ERBB4: variants seen among roughly 807,000 people sequenced by gnomAD.
ERBB4 encodes erb-b2 receptor tyrosine kinase 4.
ERBB4 carries 42 observed loss-of-function variants against 158.0 expected under a neutral mutation model. That is an observed-to-expected ratio of 0.27 (90% CI 0.21 to 0.34). The LOEUF (loss-of-function observed/expected upper bound fraction) is 0.34, where lower values mean the gene tolerates loss of function less well. ERBB4 is among the 10% of genes least tolerant of loss of function. ERBB4 has a pLI of 1.00. For synonymous variants in ERBB4, 583 were observed against 558.7 expected (o/e 1.04, Z -0.61); for missense variants, 1,333 against 1,624.1 (o/e 0.82, Z 3.08).
At chr2:212,401,574 A>G (rs1485926383) in intron 1 of ERBB4, among the ~76,000 whole-genome samples, 1 of 152,160 alleles carries the variant, frequency 6.6e-6, no homozygotes, top group Non-Finnish European at 1.5e-5. Flanking sequence ...CTGAACATAC[A>G]CCAAAATAAA....
chr2:211,837,711 A>C (rs1310154167), intron 3 of ERBB4, among the ~76,000 whole-genome samples: 1 of 152,056 alleles, frequency 6.6e-6, no homozygotes, highest in Admixed American at 6.6e-5. Flanking sequence ...TTTGTGTGTG[A>C]ATAAAAAATA....
intron 1 of ERBB4, among the ~76,000 whole-genome samples, chr2:212,270,169 T>C (rs919478936): frequency 1.3e-5 from 2 of 151,804 alleles, no homozygotes; most frequent in African/African-American, 4.8e-5. Flanking sequence ...TAAAAGATAA[T>C]ATTGTTGCCA....
chr2:212,177,455 A>G (rs191655193), intron 1 of ERBB4, among the ~76,000 whole-genome samples: 1 of 151,974 alleles, frequency 6.6e-6, no homozygotes, highest in Admixed American at 6.6e-5. Flanking sequence ...AATAATCTGA[A>G]CTTTCAAAGT....
chr2:211,442,869 G>A lies in ERBB4; in HGVS notation c.2488-11769C>T, dbSNP rs541654289. Among the ~76,000 whole-genome samples the A allele has an allele frequency of 3.3e-5, 5 of 151,968 alleles. No individual in the cohort carries two copies. In the South Asian group the frequency reaches 6.2e-4, roughly 19 times the overall value. ...ATATTTTTTCGGCTTGTTCAAGTCC[G>A]AAAAATAAAGATTTTTTTTATCTTC... On this transcript the variant is annotated intron_variant, in intron 20 of 27. Coordinates refer to ENST00000342788, the MANE Select transcript of ERBB4 (RefSeq NM_005235.3).
chr2:212,082,381 C>G (rs1439695947), intron 2 of ERBB4, among the ~76,000 whole-genome samples: 3 of 151,798 alleles, frequency 2.0e-5, no homozygotes, highest in African/African-American at 7.3e-5. Flanking sequence ...CAATATTGTT[C>G]AAATGATGTT....
At chr2:212,180,036 A>C (rs2081807190) in intron 1 of ERBB4, among the ~76,000 whole-genome samples, 1 of 151,666 alleles carries the variant, frequency 6.6e-6, no homozygotes, top group Non-Finnish European at 1.5e-5. Flanking sequence ...TTTATGTCTA[A>C]AAAATGGTAA....
chr2:212,535,985 T>C lies in ERBB4; in HGVS notation c.82+2464A>G, dbSNP rs527765609. On this transcript the variant is annotated intron_variant, in intron 1 of 27. Coordinates refer to ENST00000342788, the MANE Select transcript of ERBB4 (RefSeq NM_005235.3). ...CCTGAACTCCAAGCGTGTCTAATAA[T>C]GCGAGAAGCAGATTGTCTTCCCTCG... Among the ~76,000 whole-genome samples the C allele has an allele frequency of 9.8e-5, 15 of 152,350 alleles. No individual in the cohort carries two copies. In the East Asian group the frequency reaches 2.3e-3, roughly 24 times the overall value.
chr2:212,331,071 T>TATATATATAC (rs147932949), intron 1 of ERBB4, among the ~76,000 whole-genome samples: 31 of 120,044 alleles, frequency 2.6e-4, no homozygotes, highest in African/African-American at 5.0e-4. Context: ...TATATATATA[T>TATATATATAC]ACACATATAT....
At chr2:212,286,594 CTTTTT>C (rs71054190) in intron 1 of ERBB4, among the ~76,000 whole-genome samples, 12,688 of 54,144 alleles carry the variant, frequency 0.23, 684 homozygotes, top group South Asian at 0.31. Context: ...TAAGTGCTGA[CTTTTT>C]TTTTTTTTTT....
chr2:211,611,851 G>T (rs2069211964), intron 19 of ERBB4, among the ~76,000 whole-genome samples: 2 of 151,910 alleles, frequency 1.3e-5, no homozygotes, highest in Admixed American at 6.6e-5. Flanking sequence ...ATGTATAATG[G>T]AAACACTAAC....
At position 212,246,803 on chromosome 2, in the gene ERBB4, C is replaced by T. The variant is rs181783107; in HGVS notation, c.83-121900G>A. On this transcript the variant is annotated intron_variant, in intron 1 of 27. Coordinates refer to ENST00000342788, the MANE Select transcript of ERBB4 (RefSeq NM_005235.3). The stretch of plus-strand genomic sequence containing the variant: ...AGGAAATCTTTAGTGTAAATATAGA[C>T]AGCAGCACAGCTTCTTTACTTCCTA... 3.7e-3 allele frequency among the ~76,000 whole-genome samples: 559 copies of T among 152,268 alleles called. 3 individuals are homozygous for T. The highest frequency in any genetic ancestry group is 4.9e-3 in the Non-Finnish European group (336 of 68,014).
chr2:211,401,745 A>G (rs1000240070), intron 25 of ERBB4, among the ~76,000 whole-genome samples: 6 of 152,096 alleles, frequency 3.9e-5, no homozygotes, highest in Non-Finnish European at 7.4e-5. Flanking sequence ...CAGGTTACAG[A>G]AAAGTGCTTA....
intron 20 of ERBB4, 98 bp from the exon 21 acceptor site, chr2:211,431,198 A>AT: frequency 9.4e-7 from 1 of 1,068,736 alleles, no homozygotes; most frequent in South Asian, 1.3e-5. Context: ...GAAGTGCCTA[A>AT]TTTTTTAAGT....
intron 7 of ERBB4, among the ~76,000 whole-genome samples, chr2:211,718,349 T>C (rs1028066398): frequency 3.9e-5 from 6 of 152,184 alleles, no homozygotes; most frequent in Admixed American, 1.3e-4. Context: ...CTTACACACA[T>C]TGAGTATCCC....
intron 11 of ERBB4, among the ~76,000 whole-genome samples, chr2:211,703,628 T>C (rs2073332811): frequency 6.6e-6 from 1 of 152,198 alleles, no homozygotes; most frequent in South Asian, 2.1e-4. Context: ...TGAATTTTTT[T>C]TGTCCATTTA....
intron 25 of ERBB4, among the ~76,000 whole-genome samples, chr2:211,400,272 A>C (rs2063007265): frequency 6.6e-6 from 1 of 152,130 alleles, no homozygotes; most frequent in Non-Finnish European, 1.5e-5. Context: ...ATATCTTTGA[A>C]TAGAATAACA....
intron 19 of ERBB4, among the ~76,000 whole-genome samples, chr2:211,574,379 A>C (rs2067830827): frequency 6.6e-6 from 1 of 152,228 alleles, no homozygotes; most frequent in Non-Finnish European, 1.5e-5. Context: ...AACTTCAAAG[A>C]CTACATAAAT....
intron 1 of ERBB4, among the ~76,000 whole-genome samples, chr2:212,537,329 C>T (rs1021886524): frequency 6.6e-6 from 1 of 152,120 alleles, no homozygotes; most frequent in Non-Finnish European, 1.5e-5. Context: ...CCAAAAGGCA[C>T]CCCTTGGCCA....
chr2:212,494,614 G>T (rs1433184350), intron 1 of ERBB4, among the ~76,000 whole-genome samples: 1 of 151,892 alleles, frequency 6.6e-6, no homozygotes, highest in African/African-American at 2.4e-5. Flanking sequence ...TAACCCGAAT[G>T]GAACCATGAG....
Sources: gnomAD v4.1 joint callset for allele counts (sites outside exome capture counted in the v4.1 genomes callset) on GRCh38, gnomAD v4.1.1 for gene constraint, MANE v1.5 for transcripts, NCBI Gene and HGNC (gene_info 2026-07-23, HGNC 2026-07-21) for gene names.